KLRG1: variants seen among roughly 807,000 people sequenced by gnomAD.
The protein encoded by KLRG1 is killer cell lectin-like receptor subfamily G member 1.
Under a neutral mutation model 21.8 loss-of-function variants are expected in KLRG1, and 16 were observed. The ratio of observed to expected loss-of-function variants is 0.73; its 90% confidence interval spans 0.50 to 1.11. The LOEUF is 1.11. Among genes scored for constraint, KLRG1 ranks in the 50% most tolerant of loss-of-function variants. KLRG1 has a pLI of 0.00. For synonymous variants in KLRG1, 69 were observed against 75.9 expected (o/e 0.91, Z 0.47); for missense variants, 173 against 218.3 (o/e 0.79, Z 1.31).
chr12:9,190,267 G>A, the KLRG1 span, among the ~76,000 whole-genome samples: 1 of 152,114 alleles, frequency 6.6e-6, no homozygotes, highest in Non-Finnish European at 1.5e-5. Flanking sequence ...ATCAGTGGAA[G>A]ACTGAATAAA....
At chr12:8,993,165 A>G (rs747927685) in intron 2 of KLRG1, among the ~76,000 whole-genome samples, 2 of 151,450 alleles carry the variant, frequency 1.3e-5, no homozygotes, top group South Asian at 4.2e-4. Context: ...TAGGACCTTA[A>G]ATCTGGTGAT....
At chr12:9,020,258 A>G in the KLRG1 span, among the ~76,000 whole-genome samples, 2 of 152,166 alleles carry the variant, frequency 1.3e-5, no homozygotes, top group African/African-American at 4.8e-5. Flanking sequence ...TTGACATACA[A>G]TAAGTGGGAT....
the KLRG1 span, chr12:9,194,139 G>A: frequency 5.0e-6 from 8 of 1,613,874 alleles, no homozygotes; most frequent in South Asian, 3.3e-5. Flanking sequence ...GCAAGACCCT[G>A]CTCATTGGTG....
the KLRG1 span, chr12:9,112,510 C>A: frequency 1.2e-6 from 2 of 1,613,612 alleles, no homozygotes; most frequent in Admixed American, 3.3e-5. Flanking sequence ...GGAACATTAC[C>A]TCCTCATTGG....
At chr12:8,995,084 C>T (rs1947089454) in intron 2 of KLRG1, 35 bp from the exon 3 acceptor site, 1 of 1,533,888 alleles carries the variant, frequency 6.5e-7, no homozygotes, top group African/African-American at 1.4e-5. Context: ...CTGAGTGGTC[C>T]ATAAAGATGT....
the KLRG1 span, among the ~76,000 whole-genome samples, chr12:9,153,865 C>T: frequency 6.6e-6 from 1 of 152,192 alleles, no homozygotes; most frequent in South Asian, 2.1e-4. Flanking sequence ...AAGCCAGACA[C>T]TCTGGGTGTT....
At chr12:9,109,876 C>G in the KLRG1 span, 1 of 1,599,206 alleles carries the variant, frequency 6.3e-7, no homozygotes, top group Non-Finnish European at 8.5e-7. Context: ...CCAAATTCCT[C>G]CACGGTGAAA....
the KLRG1 span, chr12:9,152,394 G>GTC: frequency 1.0e-6 from 1 of 995,726 alleles, no homozygotes; most frequent in East Asian, 2.4e-5. Flanking sequence ...CTTTAAGCCT[G>GTC]TCTGTCTTCA....
At chr12:9,051,325 G>A in the KLRG1 span, among the ~76,000 whole-genome samples, 3 of 151,844 alleles carry the variant, frequency 2.0e-5, no homozygotes, top group African/African-American at 7.2e-5. Context: ...GAGAGGAGCA[G>A]CCCCCTCCAG....
At chr12:8,979,169 C>T (rs1184746879) in intron 1 of KLRG1, among the ~76,000 whole-genome samples, 2 of 151,910 alleles carry the variant, frequency 1.3e-5, no homozygotes, top group Non-Finnish European at 2.9e-5. Context: ...TGCCCATCAC[C>T]ATGCCTGGTT....
the KLRG1 span, among the ~76,000 whole-genome samples, chr12:9,109,708 G>C: frequency 6.6e-6 from 1 of 152,212 alleles, no homozygotes. Context: ...CCTATTCACA[G>C]ATCACTGATG....
chr12:9,131,245 G>A, the KLRG1 span, among the ~76,000 whole-genome samples: 4 of 152,090 alleles, frequency 2.6e-5, no homozygotes. Context: ...TTCTTCCAAA[G>A]TTGTTTTGGC....
the KLRG1 span, chr12:9,154,958 T>C: frequency 2.9e-6 from 3 of 1,038,544 alleles, no homozygotes; most frequent in Middle Eastern, 3.2e-4. Flanking sequence ...AAGCAAGGTC[T>C]TCTATGTCAT....
the KLRG1 span, chr12:9,112,426 A>C: frequency 1.9e-6 from 3 of 1,613,986 alleles, no homozygotes; most frequent in Middle Eastern, 1.6e-4. Context: ...CAAAGACCAG[A>C]CTGTCCTCGT....
At chr12:9,129,853 T>C in the KLRG1 span, among the ~76,000 whole-genome samples, 1 of 152,204 alleles carries the variant, frequency 6.6e-6, no homozygotes, top group Non-Finnish European at 1.5e-5. Flanking sequence ...TGGTGAACCA[T>C]TTTTAAATGT....
At chr12:9,072,824 T>G in the KLRG1 span, 1 of 1,614,152 alleles carries the variant, frequency 6.2e-7, no homozygotes, top group Non-Finnish European at 8.5e-7. Context: ...TCCTGGTAAA[T>G]GTGGCTGCTC....
chr12:8,977,765 G>C (rs1946682185), intron 1 of KLRG1, among the ~76,000 whole-genome samples: 1 of 151,944 alleles, frequency 6.6e-6, no homozygotes, highest in Non-Finnish European at 1.5e-5. Flanking sequence ...AAAATAACTT[G>C]TTGTTAAAAT....
At chr12:9,071,191 A>G in the KLRG1 span, among the ~76,000 whole-genome samples, 1 of 152,114 alleles carries the variant, frequency 6.6e-6, no homozygotes, top group African/African-American at 2.4e-5. Context: ...TATGCCAGTT[A>G]TTTTATTTAT....
chr12:9,040,708 G>T, the KLRG1 span, among the ~76,000 whole-genome samples: 1 of 152,170 alleles, frequency 6.6e-6, no homozygotes, highest in South Asian at 2.1e-4. Context: ...TGTCTCTGGG[G>T]TTGTTTTCCA....
Sources: gnomAD v4.1 joint callset for allele counts (sites outside exome capture counted in the v4.1 genomes callset) on GRCh38, gnomAD v4.1.1 for gene constraint, MANE v1.5 for transcripts, NCBI Gene and HGNC (gene_info 2026-07-23, HGNC 2026-07-21) for gene names.